Variants in DPF3 observed in about 807,000 individuals in gnomAD.
DPF3 encodes zinc finger protein DPF3.
A neutral mutation model predicts 56.8 loss-of-function variants in DPF3; 18 were observed. That is an observed-to-expected ratio of 0.32 (90% CI 0.22 to 0.47). The LOEUF is 0.47. DPF3 is among the 20% of genes least tolerant of loss of function. DPF3 has a pLI of 1.00. For missense variants in DPF3, 403 were observed against 488.8 expected (o/e 0.82, Z 1.65); for synonymous variants, 188 against 180.2 (o/e 1.04, Z -0.35).
chr14:72,628,859 T>C (rs78094425), intron 9 of DPF3, among the ~76,000 whole-genome samples: 2,673 of 152,250 alleles, frequency 0.018, 89 homozygotes, highest in African/African-American at 0.061. Context: ...CAACAAAGAA[T>C]TTAAGGGAGG....
chr14:72,784,578 A>T (rs1391393154), intron 1 of DPF3, among the ~76,000 whole-genome samples: 2 of 152,042 alleles, frequency 1.3e-5, no homozygotes, highest in Non-Finnish European at 2.9e-5. Context: ...CCCCTCTACC[A>T]TCTTCTTTCC....
intron 8 of DPF3, chr14:72,662,271 C>T: frequency 1.0e-6 from 1 of 985,246 alleles, no homozygotes; most frequent in Non-Finnish European, 1.2e-6. Flanking sequence ...TCTTTATTTT[C>T]TTATTTAAAA....
At chr14:72,868,004 G>A (rs1599509973) in intron 1 of DPF3, among the ~76,000 whole-genome samples, 1 of 152,094 alleles carries the variant, frequency 6.6e-6, no homozygotes, top group Non-Finnish European at 1.5e-5. Flanking sequence ...GCCTCCCAAA[G>A]TGCTGGATTA....
intron 1 of DPF3, among the ~76,000 whole-genome samples, chr14:72,792,130 G>A (rs897474011): frequency 2.7e-5 from 4 of 149,938 alleles, no homozygotes; most frequent in Non-Finnish European, 5.9e-5. Context: ...TTCCTGCAGA[G>A]CCAGCCAGGA....
intron 1 of DPF3, among the ~76,000 whole-genome samples, chr14:72,862,818 A>AT (rs1885490047): frequency 6.6e-6 from 1 of 151,984 alleles, no homozygotes; most frequent in Non-Finnish European, 1.5e-5. Flanking sequence ...ACTTCTCACC[A>AT]TCTCACTTCT....
chr14:72,759,074 C>T (rs569555971), intron 2 of DPF3, among the ~76,000 whole-genome samples: 1 of 152,020 alleles, frequency 6.6e-6, no homozygotes, highest in Non-Finnish European at 1.5e-5. Context: ...GCTCTGTGTT[C>T]AAGTTTAGTA....
chr14:72,621,675 C>T (rs1420344946), intron 9 of DPF3, among the ~76,000 whole-genome samples: 1 of 152,076 alleles, frequency 6.6e-6, no homozygotes, highest in East Asian at 1.9e-4. Flanking sequence ...TCAAGAGGCC[C>T]GGGGACCAGT....
At chr14:72,728,330 G>C (rs1889494126) in intron 4 of DPF3, among the ~76,000 whole-genome samples, 1 of 152,118 alleles carries the variant, frequency 6.6e-6, no homozygotes, top group Non-Finnish European at 1.5e-5. Flanking sequence ...TGGCACTGGG[G>C]TTGAGTCTAA....
At chr14:72,683,550 C>T (rs79313565) in intron 7 of DPF3, among the ~76,000 whole-genome samples, 1,660 of 152,146 alleles carry the variant, frequency 0.011, 41 homozygotes, top group East Asian at 0.077. Flanking sequence ...CATTAATGAT[C>T]TGATGTTACA....
At chr14:72,851,946 T>A (rs956042421) in intron 1 of DPF3, among the ~76,000 whole-genome samples, 3 of 152,218 alleles carry the variant, frequency 2.0e-5, no homozygotes, top group Non-Finnish European at 4.4e-5. Flanking sequence ...TGGGATTCTC[T>A]CTCTCTTCAA....
At chr14:72,876,188 C>T (rs1381856501) in intron 1 of DPF3, among the ~76,000 whole-genome samples, 2 of 152,226 alleles carry the variant, frequency 1.3e-5, no homozygotes, top group African/African-American at 4.8e-5. Flanking sequence ...TGCAGCTGGA[C>T]AGAGCTGGCC....
intron 1 of DPF3, among the ~76,000 whole-genome samples, chr14:72,811,868 T>C (rs768642917): frequency 4.6e-5 from 7 of 151,984 alleles, no homozygotes; most frequent in Non-Finnish European, 8.8e-5. Context: ...ACACTGAGTT[T>C]TGGAGAGTTG....
intron 1 of DPF3, among the ~76,000 whole-genome samples, chr14:72,799,443 T>C (rs1246871427): frequency 6.6e-6 from 1 of 151,832 alleles, no homozygotes; most frequent in Non-Finnish European, 1.5e-5. Flanking sequence ...GGAAGGAGGA[T>C]TATTTGAGGC....
At chr14:72,824,561 TTTTG>T (rs1555510675) in intron 1 of DPF3, among the ~76,000 whole-genome samples, 5 of 151,384 alleles carry the variant, frequency 3.3e-5, no homozygotes, top group African/African-American at 4.8e-5. Context: ...CTTTTTTTTT[TTTTG>T]TTTGTTTGTT....
At chr14:72,830,379 T>A (rs1884002775) in intron 1 of DPF3, among the ~76,000 whole-genome samples, 1 of 152,210 alleles carries the variant, frequency 6.6e-6, no homozygotes, top group Admixed American at 6.5e-5. Context: ...ATATTTTGGA[T>A]CAGTGAAAAC....
chr14:72,691,910 T>A (rs1364116231), intron 7 of DPF3, among the ~76,000 whole-genome samples: 1 of 152,012 alleles, frequency 6.6e-6, no homozygotes, highest in Non-Finnish European at 1.5e-5. Context: ...GAAAATTAAT[T>A]TCTGTGGTTT....
intron 8 of DPF3, among the ~76,000 whole-genome samples, chr14:72,641,724 GC>G (rs1567186920): frequency 6.6e-6 from 1 of 152,220 alleles, no homozygotes; most frequent in African/African-American, 2.4e-5. Flanking sequence ...TTGCAAAAAT[GC>G]CCACAAATTC....
chr14:72,670,018 C>T (rs895077048), intron 8 of DPF3: 9 of 985,798 alleles, frequency 9.1e-6, no homozygotes, highest in African/African-American at 3.5e-5. Flanking sequence ...CCTTCTCCAT[C>T]GCCCCAGGGG....
At chr14:72,726,699 A>C (rs1889421626) in intron 4 of DPF3, among the ~76,000 whole-genome samples, 1 of 152,220 alleles carries the variant, frequency 6.6e-6, no homozygotes, top group South Asian at 2.1e-4. Context: ...TGGGGTGTCC[A>C]ACTACAAAGT....
Sources: gnomAD v4.1 joint callset for allele counts (sites outside exome capture counted in the v4.1 genomes callset) on GRCh38, gnomAD v4.1.1 for gene constraint, MANE v1.5 for transcripts, NCBI Gene and HGNC (gene_info 2026-07-23, HGNC 2026-07-21) for gene names.